Variants in UPP1 observed in about 807,000 individuals in gnomAD.
The protein encoded by UPP1 is UPase 1.
In UPP1, 25 loss-of-function variants were observed where a neutral mutation model predicts 29.6. That is an observed-to-expected ratio of 0.85 (90% CI 0.62 to 1.18). The LOEUF is 1.18. UPP1 is among the 50% of genes most tolerant of loss of function. The pLI is 0.00. For missense variants in UPP1, 368 were observed against 410.4 expected (o/e 0.90, Z 0.89); for synonymous variants, 165 against 159.8 (o/e 1.03, Z -0.25).
chr7:48,099,148 A>G (rs78544891), intron 3 of UPP1, among the ~76,000 whole-genome samples: 3,551 of 152,264 alleles, frequency 0.023, 156 homozygotes, highest in African/African-American at 0.081. Flanking sequence ...TGTCACTCCT[A>G]TTGGATATCG....
intron 5 of UPP1, among the ~76,000 whole-genome samples, chr7:48,102,278 T>A (rs935126491): frequency 1.3e-5 from 2 of 152,054 alleles, no homozygotes; most frequent in Non-Finnish European, 2.9e-5. Flanking sequence ...GGAAGGACAG[T>A]AGGGGGCGCC....
In UPP1 at chr7:48,101,950, A is replaced by C. The variant is rs774612952; in HGVS notation, c.289A>C (p.Met97Leu). Residue 97 changes from methionine to leucine, a missense_variant, in exon 5 of 9, where the codon ATG becomes CTG. Met to Leu is a conservative substitution (Grantham distance 15, BLOSUM62 2). Transcript: ENST00000395564. Reference protein sequence around the residue: ...NICAGTDRYAMYKVGPVLSVS... With the variant: ...NICAGTDRYALYKVGPVLSVS... ...CTGTGCGGGAACTGACCGCTATGCC[A>C]TGTATAAAGTAGGACCGGTGCTGTC... The C allele has an allele frequency of 4.3e-6, 7 of 1,614,002 alleles. No individual in the cohort carries two copies. Among genetic ancestry groups the C allele is most frequent in the Admixed American group, 1.7e-5 (1 of 59,990 alleles).
chr7:48,107,626 C>T, intron 8 of UPP1, 119 bp downstream of exon 8: 1 of 1,223,364 alleles, frequency 8.2e-7, no homozygotes, highest in Non-Finnish European at 1.1e-6. Context: ...GTTTCTGTTT[C>T]CGCTGCCCCC....
chr7:48,108,112 AG>A (rs1792867660), intron 8 of UPP1, 105 bp from the exon 9 acceptor site: 1 of 1,494,528 alleles, frequency 6.7e-7, no homozygotes, highest in Admixed American at 2.0e-5. Flanking sequence ...TGGTTTCCTG[AG>A]GAGGCAGAGA....
intron 1 of UPP1, 22 bp downstream of exon 1, chr7:48,089,440 T>TCCCGCC (rs1791691100): frequency 1.3e-5 from 2 of 152,030 alleles, no homozygotes; most frequent in African/African-American, 4.8e-5. Context: ...GCGGCCCGGC[T>TCCCGCC]CCCGCCGTTC....
intron 3 of UPP1, among the ~76,000 whole-genome samples, chr7:48,099,327 C>A (rs141489144): frequency 3.1e-4 from 47 of 152,254 alleles, no homozygotes; most frequent in African/African-American, 1.1e-3. Context: ...GTTTATACAT[C>A]GAATGAACTT....
intron 3 of UPP1, among the ~76,000 whole-genome samples, chr7:48,095,030 C>T (rs1043180341): frequency 2.0e-5 from 3 of 152,146 alleles, no homozygotes; most frequent in Non-Finnish European, 2.9e-5. Flanking sequence ...GTGCTGGGGC[C>T]TCAGCTCTTG....
intron 3 of UPP1, among the ~76,000 whole-genome samples, chr7:48,098,675 A>G (rs567936140): frequency 8.3e-4 from 127 of 152,304 alleles, no homozygotes; most frequent in African/African-American, 3.0e-3. Context: ...ATGAGTTAGA[A>G]TGAGGAGGAG....
intron 3 of UPP1, among the ~76,000 whole-genome samples, chr7:48,098,072 C>T (rs1296042165): frequency 1.3e-5 from 2 of 152,214 alleles, no homozygotes; most frequent in East Asian, 3.9e-4. Flanking sequence ...AGCAGATTCA[C>T]TAGTGCAGTC....
chr7:48,095,544 C>T (rs1792083614), intron 3 of UPP1, among the ~76,000 whole-genome samples: 1 of 152,114 alleles, frequency 6.6e-6, no homozygotes, highest in Admixed American at 6.5e-5. Context: ...GCTGCATACC[C>T]AGGTCATAAT....
chr7:48,098,132 C>T (rs963453213), intron 3 of UPP1, among the ~76,000 whole-genome samples: 1 of 152,164 alleles, frequency 6.6e-6, no homozygotes, highest in African/African-American at 2.4e-5. Flanking sequence ...AGCCCCCTGT[C>T]CCCTTATACA....
At chr7:48,103,797 T>G in intron 6 of UPP1, 1 of 1,291,068 alleles carries the variant, frequency 7.7e-7, no homozygotes, top group Non-Finnish European at 1.0e-6. Context: ...TTGAAGCACC[T>G]TAGGAGAAAA....
At chr7:48,090,879 A>G (rs1053287745) in intron 2 of UPP1, among the ~76,000 whole-genome samples, 2 of 152,286 alleles carry the variant, frequency 1.3e-5, no homozygotes, top group East Asian at 1.9e-4. Flanking sequence ...CACAAATTAT[A>G]TTCTTGGTTC....
intron 5 of UPP1, 74 bp downstream of exon 5, chr7:48,102,056 A>C: frequency 6.6e-7 from 1 of 1,514,258 alleles, no homozygotes; most frequent in South Asian, 1.3e-5. Context: ...CTGCACACAC[A>C]GACAGCTGGT....
At chr7:48,099,499 G>C (rs572522912) in intron 3 of UPP1, among the ~76,000 whole-genome samples, 171 bp from the exon 4 acceptor site, 1 of 152,328 alleles carries the variant, frequency 6.6e-6, no homozygotes, top group African/African-American at 2.4e-5. Context: ...GGGAAGAACA[G>C]AGGGGAGGCA....
At chr7:48,096,007 A>G (rs1456903115) in intron 3 of UPP1, among the ~76,000 whole-genome samples, 1 of 152,180 alleles carries the variant, frequency 6.6e-6, no homozygotes, top group Non-Finnish European at 1.5e-5. Flanking sequence ...ATTGACAGCC[A>G]AAAATGCCTT....
intron 6 of UPP1, among the ~76,000 whole-genome samples, chr7:48,104,182 C>T (rs1047274007): frequency 3.9e-5 from 6 of 152,076 alleles, no homozygotes; most frequent in African/African-American, 1.4e-4. Flanking sequence ...CGCGCCACTG[C>T]ACTTCAGCCT....
At chr7:48,105,284 G>C (rs886972928) in intron 6 of UPP1, 1 of 152,326 alleles carries the variant, frequency 6.6e-6, no homozygotes, top group African/African-American at 2.4e-5. Flanking sequence ...CTCTCCTCTA[G>C]CTCCAGCCCC....
intron 3 of UPP1, among the ~76,000 whole-genome samples, chr7:48,095,951 T>C (rs1156838731): frequency 5.3e-5 from 8 of 152,150 alleles, no homozygotes; most frequent in Non-Finnish European, 2.9e-5. Context: ...CCTGCCTCAG[T>C]GATTATTTTT....
Sources: gnomAD v4.1 joint callset for allele counts (sites outside exome capture counted in the v4.1 genomes callset) on GRCh38, gnomAD v4.1.1 for gene constraint, MANE v1.5 for transcripts, NCBI Gene and HGNC (gene_info 2026-07-23, HGNC 2026-07-21) for gene names.